Variants in RBFOX1 observed in about 807,000 individuals in gnomAD.
RBFOX1 encodes RNA binding protein fox-1 homolog 1.
Under a neutral mutation model 57.7 loss-of-function variants are expected in RBFOX1, and 8 were observed. The observed-to-expected ratio is 0.14, with a 90% CI of 0.08 to 0.25. The LOEUF (loss-of-function observed/expected upper bound fraction) is 0.25, where lower values mean the gene tolerates loss of function less well. Among genes scored for constraint, RBFOX1 ranks in the 10% least tolerant of loss-of-function variants. The pLI is 1.00. For synonymous variants in RBFOX1, 326 were observed against 222.4 expected, an observed-to-expected ratio of 1.47 and a Z score of -4.15; for missense variants, 611 against 548.5, an observed-to-expected ratio of 1.11 and a Z score of -1.14.
intron 1 of RBFOX1, among the ~76,000 whole-genome samples, chr16:5,332,386 C>T (rs570796655): frequency 3.4e-4 from 52 of 152,026 alleles, no homozygotes; most frequent in South Asian, 1.0e-3. Flanking sequence ...TCTTGCCTCC[C>T]GAGTACCTGG....
At chr16:6,540,937 C>T (rs1195749848) in intron 2 of RBFOX1, among the ~76,000 whole-genome samples, 1 of 152,118 alleles carries the variant, frequency 6.6e-6, no homozygotes, top group Non-Finnish European at 1.5e-5. Context: ...CTGGGATTAT[C>T]TGCTATCAGA....
chr16:5,706,720 AT>A (rs939125790), intron 3 of RBFOX1, among the ~76,000 whole-genome samples: 38 of 151,656 alleles, frequency 2.5e-4, no homozygotes, highest in Non-Finnish European at 4.9e-4. Context: ...TGATTTTGGT[AT>A]TTTTTTTCCT....
At chr16:5,891,144 A>C (rs1046571058) in intron 4 of RBFOX1, among the ~76,000 whole-genome samples, 1 of 152,012 alleles carries the variant, frequency 6.6e-6, no homozygotes, top group Non-Finnish European at 1.5e-5. Context: ...CTGCCTCTCT[A>C]CCCTCCTTAG....
At chr16:7,308,578 C>A (rs913610149) in intron 4 of RBFOX1, among the ~76,000 whole-genome samples, 1 of 152,154 alleles carries the variant, frequency 6.6e-6, no homozygotes, top group African/African-American at 2.4e-5. Context: ...AATGATGATC[C>A]ATGTGGTTTG....
At chr16:7,056,640 T>C (rs2052379631) in intron 4 of RBFOX1, among the ~76,000 whole-genome samples, 1 of 152,178 alleles carries the variant, frequency 6.6e-6, no homozygotes, top group Admixed American at 6.5e-5. Flanking sequence ...AGGGAGATTG[T>C]ATGTTCATAG....
intron 1 of RBFOX1, among the ~76,000 whole-genome samples, chr16:5,369,382 C>G (rs1316763495): frequency 1.3e-5 from 2 of 152,202 alleles, no homozygotes; most frequent in Non-Finnish European, 2.9e-5. Flanking sequence ...CTCTAAGGCC[C>G]TTGGAATAGC....
chr16:6,376,985 C>T (rs2091256664), intron 2 of RBFOX1, among the ~76,000 whole-genome samples: 1 of 151,846 alleles, frequency 6.6e-6, no homozygotes, highest in Non-Finnish European at 1.5e-5. Flanking sequence ...AGGTATTGGT[C>T]CCCAGACTGG....
chr16:6,950,690 A>G (rs1212613919), intron 3 of RBFOX1, among the ~76,000 whole-genome samples: 3 of 152,152 alleles, frequency 2.0e-5, no homozygotes, highest in Non-Finnish European at 4.4e-5. Context: ...GAGTTGAAGA[A>G]TGAAAAAAGA....
At chr16:6,860,473 G>T (rs923331898) in intron 3 of RBFOX1, among the ~76,000 whole-genome samples, 1 of 152,190 alleles carries the variant, frequency 6.6e-6, no homozygotes. Flanking sequence ...TGATGGAAGA[G>T]TATATTGATG....
chr16:6,839,713 C>G (rs1006203660), intron 3 of RBFOX1, among the ~76,000 whole-genome samples: 21 of 152,126 alleles, frequency 1.4e-4, no homozygotes, highest in African/African-American at 5.1e-4. Context: ...AGAAGGCACA[C>G]GATTCTTCTT....
chr16:5,953,297 G>A (rs1279064366), intron 4 of RBFOX1, among the ~76,000 whole-genome samples: 1 of 152,198 alleles, frequency 6.6e-6, no homozygotes, highest in Non-Finnish European at 1.5e-5. Context: ...TTTAGTATAT[G>A]TGTTGTAAAT....
chr16:5,558,861 G>A (rs1269549311), intron 2 of RBFOX1, among the ~76,000 whole-genome samples: 1 of 152,264 alleles, frequency 6.6e-6, no homozygotes, highest in African/African-American at 2.4e-5. Flanking sequence ...AAAGGTCCAC[G>A]TACAAGAGAG....
At chr16:6,966,828 T>G (rs1289588662) in intron 3 of RBFOX1, among the ~76,000 whole-genome samples, 2 of 149,422 alleles carry the variant, frequency 1.3e-5, no homozygotes, top group East Asian at 3.9e-4. Flanking sequence ...TCTATCTATC[T>G]GTCTATCTAT....
At chr16:5,665,908 C>G (rs116058553) in intron 3 of RBFOX1, among the ~76,000 whole-genome samples, 1,631 of 152,326 alleles carry the variant, frequency 0.011, 29 homozygotes, top group African/African-American at 0.037. Context: ...GAGGCATCTG[C>G]TGAAAGCTGT....
chr16:7,468,311 C>T (rs2060900187), intron 4 of RBFOX1, among the ~76,000 whole-genome samples: 2 of 152,276 alleles, frequency 1.3e-5, no homozygotes, highest in African/African-American at 2.4e-5. Flanking sequence ...TAAGACTGTG[C>T]TTTAGATTAT....
chr16:7,112,117 AC>A (rs2064902712), intron 4 of RBFOX1, among the ~76,000 whole-genome samples: 1 of 152,174 alleles, frequency 6.6e-6, no homozygotes, highest in Non-Finnish European at 1.5e-5. Flanking sequence ...TATGCGTTAG[AC>A]CAAGTGTTGA....
chr16:6,202,089 AC>A (rs1186032340), intron 1 of RBFOX1, among the ~76,000 whole-genome samples: 4 of 152,172 alleles, frequency 2.6e-5, no homozygotes, highest in African/African-American at 7.2e-5. Context: ...AAACAAAAAA[AC>A]ATACCTTGAG....
intron 4 of RBFOX1, among the ~76,000 whole-genome samples, chr16:7,255,122 C>G (rs1043047207): frequency 3.3e-5 from 5 of 152,152 alleles, no homozygotes; most frequent in Non-Finnish European, 5.9e-5. Flanking sequence ...AAAAATAACC[C>G]CATCTCCGAT....
intron 3 of RBFOX1, among the ~76,000 whole-genome samples, chr16:6,948,855 C>T (rs1024082763): frequency 3.9e-5 from 6 of 152,152 alleles, no homozygotes; most frequent in Admixed American, 6.5e-5. Flanking sequence ...GTCTTCTGTC[C>T]GTCTATAAAC....
Sources: gnomAD v4.1 joint callset for allele counts (sites outside exome capture counted in the v4.1 genomes callset) on GRCh38, gnomAD v4.1.1 for gene constraint, MANE v1.5 for transcripts, NCBI Gene and HGNC (gene_info 2026-07-23, HGNC 2026-07-21) for gene names.